Variants in MTTP observed in about 807,000 individuals in gnomAD.
MTTP encodes microsomal triglyceride transfer protein, also known as microsomal triglyceride transfer protein large subunit.
A neutral mutation model predicts 90.6 loss-of-function variants in MTTP; 49 were observed. The ratio of observed to expected loss-of-function variants is 0.54; its 90% CI spans 0.43 to 0.69. The LOEUF is 0.69. MTTP is among the 30% of genes least tolerant of loss of function. The pLI, the probability that MTTP is intolerant of heterozygous loss-of-function variation, is 0.00. For synonymous variants in MTTP, 347 were observed against 384.2 expected, an observed-to-expected ratio of 0.90 and a Z score of 1.13; for missense variants, 945 against 1,067.5, an observed-to-expected ratio of 0.89 and a Z score of 1.60.
intron 13 of MTTP, 26 bp from the exon 14 acceptor site, chr4:99,611,306 A>C (rs1164879828): frequency 2.5e-6 from 4 of 1,613,832 alleles, no homozygotes; most frequent in Non-Finnish European, 3.4e-6. Context: ...AACTGCTATT[A>C]AATTACAGTT....
At chr4:99,584,274 G>A (rs920155767) in intron 3 of MTTP, 2 of 151,972 alleles carry the variant, frequency 1.3e-5, no homozygotes, top group African/African-American at 2.4e-5. Context: ...ATAAAAATGT[G>A]TCTAAAGATG....
At chr4:99,621,393 A>G (rs1353303149) in intron 17 of MTTP, among the ~76,000 whole-genome samples, 162 bp downstream of exon 17, 2 of 151,426 alleles carry the variant, frequency 1.3e-5, no homozygotes, top group Admixed American at 6.6e-5. Flanking sequence ...ATAAGGCCAA[A>G]AAAAGTCAGT....
At chr4:99,565,083 C>T (rs1353740946) in intron 1 of MTTP, among the ~76,000 whole-genome samples, 1 of 152,180 alleles carries the variant, frequency 6.6e-6, no homozygotes, top group Non-Finnish European at 1.5e-5. Context: ...CTTTTTTCAG[C>T]TGCCTCCATA....
intron 15 of MTTP, among the ~76,000 whole-genome samples, chr4:99,615,581 C>T (rs901624784): frequency 2.0e-5 from 3 of 152,204 alleles, no homozygotes; most frequent in Non-Finnish European, 2.9e-5. Flanking sequence ...TCCAGTAATG[C>T]CATCCTAGCT....
intron 1 of MTTP, among the ~76,000 whole-genome samples, chr4:99,578,296 T>C (rs1256681881): frequency 6.6e-6 from 1 of 152,244 alleles, no homozygotes; most frequent in Non-Finnish European, 1.5e-5. Flanking sequence ...GTTTTGGTTT[T>C]ATCTAACAAC....
At chr4:99,612,868 C>T in intron 14 of MTTP, 45 bp from the exon 15 acceptor site, 1 of 1,536,722 alleles carries the variant, frequency 6.5e-7, no homozygotes, top group Non-Finnish European at 9.0e-7. Context: ...ATTTACAGAG[C>T]AGGCAGGGAG....
chr4:99,566,713 A>G (rs1724710608), intron 1 of MTTP, among the ~76,000 whole-genome samples: 2 of 152,206 alleles, frequency 1.3e-5, no homozygotes, highest in Non-Finnish European at 1.5e-5. Flanking sequence ...GACTAAATAA[A>G]ATATGTCTGT....
At chr4:99,573,921 G>A (rs1258523339), upstream of MTTP, among the ~76,000 whole-genome samples, 1 of 152,188 alleles carries the variant, frequency 6.6e-6, no homozygotes, top group Non-Finnish European at 1.5e-5. Context: ...CTCTAGTAGG[G>A]TTAGTAGGTT....
chr4:99,576,986 T>G (rs1456129361), intron 1 of MTTP, among the ~76,000 whole-genome samples: 1 of 152,198 alleles, frequency 6.6e-6, no homozygotes, highest in Non-Finnish European at 1.5e-5. Flanking sequence ...GGAAGGATCC[T>G]GGGCAAGAGA....
chr4:99,582,143 G>T, intron 2 of MTTP, 51 bp downstream of exon 2: 1 of 1,589,938 alleles, frequency 6.3e-7, no homozygotes, highest in South Asian at 1.1e-5. Context: ...AGAAGTTTTT[G>T]AGAAGTGTAC....
chr4:99,580,308 G>C (rs1211152827), intron 1 of MTTP, among the ~76,000 whole-genome samples: 1 of 151,342 alleles, frequency 6.6e-6, no homozygotes, highest in African/African-American at 2.4e-5. Flanking sequence ...AGCCAGACGT[G>C]GTAGCTCACA....
At chr4:99,594,698 A>G in intron 6 of MTTP, 35 bp from the exon 7 acceptor site, 1 of 1,612,108 alleles carries the variant, frequency 6.2e-7, no homozygotes, top group Non-Finnish European at 8.5e-7. Context: ...CAAAAGAATG[A>G]TTATAATATA....
At chr4:99,573,484 T>C (rs1447786610), upstream of MTTP, among the ~76,000 whole-genome samples, 1 of 152,174 alleles carries the variant, frequency 6.6e-6, no homozygotes, top group Non-Finnish European at 1.5e-5. Flanking sequence ...AAACAATTTA[T>C]TTTTGCTAGG....
At chr4:99,617,167 GT>G (rs1726117016) in intron 15 of MTTP, among the ~76,000 whole-genome samples, 1 of 152,188 alleles carries the variant, frequency 6.6e-6, no homozygotes, top group African/African-American at 2.4e-5. Context: ...CTTCAGGATA[GT>G]TTGTGTCCAT....
In MTTP at chr4:99,611,480, T is replaced by C. The variant is rs745075; in HGVS notation, c.1989+27T>C. Reference sequence around the variant, plus strand: ...TAACTCACTTCTCATGGATTTTGCTTAATAAAGTATGCAAGAAATCAGGCT... The same window carrying C: ...TAACTCACTTCTCATGGATTTTGCTCAATAAAGTATGCAAGAAATCAGGCT... On this transcript the variant is annotated intron_variant, in intron 14 of 17. Coordinates refer to ENST00000265517, the MANE Select transcript of MTTP (RefSeq NM_001386140.1). 0.11 allele frequency: 179,902 copies of C among 1,612,368 alleles called. 11,274 individuals are homozygous for C. Among genetic ancestry groups the C allele is most frequent in the Middle Eastern group, 0.19 (1,122 of 6,052 alleles).
chr4:99,607,966 T>C (rs942730186), intron 11 of MTTP, among the ~76,000 whole-genome samples: 3 of 147,810 alleles, frequency 2.0e-5, no homozygotes, highest in African/African-American at 7.5e-5. Flanking sequence ...TTAAAAAGTC[T>C]ATTAATTAAA....
Position 99,597,111 on chromosome 4 carries a change from C to A in MTTP, c.954C>A (p.Asp318Glu). 1 of 1,613,984 alleles carries A rather than the reference C, an allele frequency of 6.2e-7. No individual in the cohort carries two copies. Among genetic ancestry groups the A allele is most frequent in the Non-Finnish European group, 8.5e-7 (1 of 1,179,890 alleles). The change falls in exon 8 of 18, where the codon GAC becomes GAA. Residue 318 changes from aspartate (D) to glutamate (E), a missense_variant. Physicochemically the swap from Asp to Glu is conservative, Grantham distance 45. Transcript: ENST00000265517. Reference sequence around the variant, plus strand: ...CCACCAGGAAATACCTGCAGCCTGACAACCTTTCCAAGGCTGAGGCTGTCA... The same window carrying A: ...CCACCAGGAAATACCTGCAGCCTGAAAACCTTTCCAAGGCTGAGGCTGTCA... Reference protein sequence around the residue: ...WRSTRKYLQPDNLSKAEAVRN... With the variant: ...WRSTRKYLQPENLSKAEAVRN...
rs199690674 is a variant in MTTP at position 99,582,128 on chromosome 4, A to G, written c.249+36A>G. ...TCTACCAGATAAATGCAAAGATTAG[A>G]TATCAGAAGTTTTTGAGAAGTGTAC... On this transcript the variant is annotated intron_variant, in intron 2 of 17. Transcript: ENST00000265517. The G allele has an allele frequency of 4.3e-6, 7 of 1,610,124 alleles. No individual in the cohort carries two copies. The East Asian group carries it at 1.1e-4, about 26-fold the overall frequency.
At chr4:99,566,781 TAAG>T (rs1163640035) in intron 1 of MTTP, among the ~76,000 whole-genome samples, 1 of 152,160 alleles carries the variant, frequency 6.6e-6, no homozygotes, top group Admixed American at 6.5e-5. Flanking sequence ...GTTGGTAGAA[TAAG>T]AAGGAGGCTA....
Sources: gnomAD v4.1 joint callset for allele counts (sites outside exome capture counted in the v4.1 genomes callset) on GRCh38, gnomAD v4.1.1 for gene constraint, MANE v1.5 for transcripts, NCBI Gene and HGNC (gene_info 2026-07-23, HGNC 2026-07-21) for gene names.